Variants in PTPRG observed in about 807,000 individuals in gnomAD.
PTPRG encodes the protein protein tyrosine phosphatase receptor type G, also known as receptor-type tyrosine-protein phosphatase gamma.
Under a neutral mutation model 165.3 loss-of-function variants are expected in PTPRG, and 102 were observed. That is an observed-to-expected ratio of 0.62 (90% confidence interval 0.53 to 0.73). The LOEUF is 0.73. PTPRG is among the 30% of genes least tolerant of loss of function. The pLI is 0.00. For missense variants in PTPRG, 1,866 were observed against 1,861.4 expected (o/e 1.00, Z -0.05); for synonymous variants, 675 against 669.5 (o/e 1.01, Z -0.13).
intron 2 of PTPRG, among the ~76,000 whole-genome samples, chr3:61,820,541 C>A (rs2035919417): frequency 6.6e-6 from 1 of 150,688 alleles, no homozygotes; most frequent in Non-Finnish European, 1.5e-5. Context: ...CAAGTTGACA[C>A]ACAGAAATAC....
chr3:61,874,148 C>G (rs1041640302), intron 2 of PTPRG, among the ~76,000 whole-genome samples: 8 of 152,120 alleles, frequency 5.3e-5, no homozygotes, highest in African/African-American at 1.9e-4. Flanking sequence ...ACCATTTCCT[C>G]GATCCTCACC....
intron 2 of PTPRG, among the ~76,000 whole-genome samples, chr3:61,806,733 T>C (rs1275444355): frequency 6.6e-6 from 1 of 152,218 alleles, no homozygotes; most frequent in African/African-American, 2.4e-5. Flanking sequence ...GTAATTATTC[T>C]TTAAATACTG....
intron 1 of PTPRG, among the ~76,000 whole-genome samples, chr3:61,686,021 C>G (rs1482411459): frequency 1.3e-5 from 2 of 152,182 alleles, no homozygotes; most frequent in Admixed American, 1.3e-4. Context: ...ATTTGCAAAG[C>G]ATCTGCCAGG....
intron 1 of PTPRG, among the ~76,000 whole-genome samples, chr3:61,647,616 C>A (rs574321887): frequency 5.9e-5 from 9 of 151,916 alleles, no homozygotes; most frequent in African/African-American, 2.2e-4. Flanking sequence ...CAGTGAAACC[C>A]CGTCTCCACT....
In PTPRG at chr3:61,914,466, G is replaced by A. The variant is rs74647870; in HGVS notation, c.191-75159G>A. Among the ~76,000 whole-genome samples, 297 of 152,302 alleles carry A rather than the reference G, an allele frequency of 2.0e-3. 1 individual carries two copies. The highest frequency in any genetic ancestry group is 6.8e-3 in the East Asian group (35 of 5,184). ...TGCCATCTGGTAGTCATCATTGACTGCGTCTCTTTCCTGCTATGAATACAG... is the reference window on the plus strand; with the variant it reads ...TGCCATCTGGTAGTCATCATTGACTACGTCTCTTTCCTGCTATGAATACAG... On this transcript the variant is annotated intron_variant, in intron 2 of 29. Coordinates refer to ENST00000474889, the MANE Select transcript of PTPRG (RefSeq NM_002841.4).
At chr3:61,729,933 A>G (rs907407915) in intron 1 of PTPRG, among the ~76,000 whole-genome samples, 1 of 152,224 alleles carries the variant, frequency 6.6e-6, no homozygotes, top group Non-Finnish European at 1.5e-5. Flanking sequence ...ATGCCTAGAT[A>G]TGTGATAATA....
chr3:61,767,627 A>G (rs374469159), intron 2 of PTPRG, among the ~76,000 whole-genome samples: 5 of 152,348 alleles, frequency 3.3e-5, no homozygotes, highest in African/African-American at 1.2e-4. Flanking sequence ...CAGTGTTCCA[A>G]GACACTTTGG....
intron 7 of PTPRG, among the ~76,000 whole-genome samples, chr3:62,159,330 A>G (rs1294303279): frequency 6.6e-6 from 1 of 151,174 alleles, no homozygotes; most frequent in Non-Finnish European, 1.5e-5. Flanking sequence ...GACTGTCTCA[A>G]AAAAAAAAGA....
chr3:61,805,037 C>T (rs1200366821), intron 2 of PTPRG, among the ~76,000 whole-genome samples: 2 of 152,238 alleles, frequency 1.3e-5, no homozygotes, highest in East Asian at 1.9e-4. Context: ...GATGAGGACA[C>T]AGGCGCCTGA....
At chr3:61,999,262 G>T (rs1362791988) in intron 3 of PTPRG, among the ~76,000 whole-genome samples, 2 of 152,222 alleles carry the variant, frequency 1.3e-5, no homozygotes, top group East Asian at 3.9e-4. Context: ...GGCCAGGCTG[G>T]TCTCAAACTC....
intron 2 of PTPRG, among the ~76,000 whole-genome samples, chr3:61,818,431 C>A (rs2035852359): frequency 6.6e-6 from 1 of 151,766 alleles, no homozygotes; most frequent in Admixed American, 6.6e-5. Context: ...AATGCAAGAG[C>A]AAGTAGAGGA....
chr3:62,266,101 A>G (rs1701866143), intron 17 of PTPRG, among the ~76,000 whole-genome samples: 1 of 152,174 alleles, frequency 6.6e-6, no homozygotes, highest in African/African-American at 2.4e-5. Context: ...TGTGAATTGC[A>G]CTTTCACAAC....
chr3:62,075,773 A>G (rs540357668), intron 4 of PTPRG, among the ~76,000 whole-genome samples: 1 of 152,286 alleles, frequency 6.6e-6, no homozygotes, highest in African/African-American at 2.4e-5. Context: ...TCAAATCTCT[A>G]AATCTCTCTG....
At chr3:61,919,386 T>C (rs995990316) in intron 2 of PTPRG, among the ~76,000 whole-genome samples, 2 of 152,208 alleles carry the variant, frequency 1.3e-5, no homozygotes, top group Admixed American at 1.3e-4. Flanking sequence ...AGCCAACAAA[T>C]AGAAAGCAAA....
intron 1 of PTPRG, among the ~76,000 whole-genome samples, chr3:61,746,039 CT>C (rs761060616): frequency 1.6e-5 from 2 of 122,824 alleles, no homozygotes; most frequent in Non-Finnish European, 3.2e-5. Flanking sequence ...AACTTTCTTT[CT>C]TTTTCTTTTC....
At chr3:61,682,149 C>CAAA (rs35398190) in intron 1 of PTPRG, among the ~76,000 whole-genome samples, 2,472 of 96,766 alleles carry the variant, frequency 0.026, 200 homozygotes, top group South Asian at 0.061. Context: ...ACTCCTGTCT[C>CAAA]AAAAAAAAAA....
At chr3:61,834,779 C>G (rs143820539) in intron 2 of PTPRG, among the ~76,000 whole-genome samples, 35 of 152,160 alleles carry the variant, frequency 2.3e-4, no homozygotes, top group African/African-American at 8.4e-4. Context: ...TGCCACTGCA[C>G]TCCAGCCTGG....
rs201191058 is a variant in PTPRG, at chr3:62,108,086, T to C, written c.616-24516T>C. ...TATTATTAAAGTTCTGGGTTACATG[T>C]GCAGAATGTGCAGGTTTGTTACATA... On this transcript the variant is annotated intron_variant, in intron 5 of 29. Coordinates refer to ENST00000474889, the MANE Select transcript of PTPRG (RefSeq NM_002841.4). 2.0e-5 allele frequency among the ~76,000 whole-genome samples: 3 copies of C among 152,052 alleles called. No homozygotes were observed. In the East Asian group the frequency reaches 5.8e-4, roughly 29 times the overall value.
intron 1 of PTPRG, among the ~76,000 whole-genome samples, chr3:61,681,075 A>AAAAAAAAG (rs999333286): frequency 4.8e-4 from 72 of 150,274 alleles, no homozygotes; most frequent in African/African-American, 1.6e-3. Flanking sequence ...AAAAAAAAAA[A>AAAAAAAAG]AAGAAGAAGA....
Sources: gnomAD v4.1 joint callset for allele counts (sites outside exome capture counted in the v4.1 genomes callset) on GRCh38, gnomAD v4.1.1 for gene constraint, MANE v1.5 for transcripts, NCBI Gene and HGNC (gene_info 2026-07-23, HGNC 2026-07-21) for gene names.